ITSN2: variants seen among roughly 807,000 people sequenced by gnomAD.
ITSN2 encodes intersectin 2.
In ITSN2, 156 loss-of-function variants were observed where a neutral mutation model predicts 243.7. The ratio of observed to expected loss-of-function variants is 0.64; its 90% confidence interval spans 0.56 to 0.73. The LOEUF is 0.73. Ranked by LOEUF, ITSN2 falls within the 30% of genes least tolerant of loss-of-function variation. The pLI is 0.00. For synonymous variants in ITSN2, 703 were observed against 699.9 expected (o/e 1.00, Z -0.07); for missense variants, 1,801 against 1,996.1 (o/e 0.90, Z 1.86).
At chr2:24,332,498 T>C (rs1459868295) in intron 1 of ITSN2, among the ~76,000 whole-genome samples, 2 of 152,162 alleles carry the variant, frequency 1.3e-5, no homozygotes, top group Non-Finnish European at 2.9e-5. Context: ...GGTACTAGTA[T>C]TACAGAATCT....
chr2:24,213,823 G>A (rs927211455), intron 32 of ITSN2, among the ~76,000 whole-genome samples: 21 of 152,072 alleles, frequency 1.4e-4, no homozygotes, highest in Middle Eastern at 6.8e-3. Context: ...AGTTCATTTC[G>A]AGGCAACTCC....
chr2:24,203,601 C>T lies in ITSN2; in HGVS notation c.*25G>A, dbSNP rs1483991570. 1.2e-6 allele frequency: 2 copies of T among 1,603,702 alleles called. No homozygotes were observed. Among genetic ancestry groups the T allele is most frequent in the South Asian group, 2.2e-5 (2 of 90,322 alleles). ...TCCAGCCCCAGCCTTGTGGGCTGTCCCGCTGGTGCTGTCCTTTAGAACCCC... is the reference window on the plus strand; with the variant it reads ...TCCAGCCCCAGCCTTGTGGGCTGTCTCGCTGGTGCTGTCCTTTAGAACCCC... On this transcript the variant is annotated 3_prime_UTR_variant, in exon 40 of 40. Coordinates refer to ENST00000355123, the MANE Select transcript of ITSN2 (RefSeq NM_006277.3).
At chr2:24,324,342 C>A (rs542710441) in intron 2 of ITSN2, among the ~76,000 whole-genome samples, 1 of 152,012 alleles carries the variant, frequency 6.6e-6, no homozygotes, top group Non-Finnish European at 1.5e-5. Flanking sequence ...TATCCTAAGA[C>A]AAAAGAGAGT....
chr2:24,335,752 C>T (rs1366488688), intron 1 of ITSN2, among the ~76,000 whole-genome samples: 1 of 152,074 alleles, frequency 6.6e-6, no homozygotes, highest in African/African-American at 2.4e-5. Flanking sequence ...GATTCTCATG[C>T]CTCAGCCTCC....
At chr2:24,275,922 T>C in intron 17 of ITSN2, 73 bp from the exon 18 acceptor site, 2 of 1,107,694 alleles carry the variant, frequency 1.8e-6, no homozygotes, top group East Asian at 2.6e-5. Flanking sequence ...AATGTGGCAT[T>C]TGCATTAAAA....
intron 29 of ITSN2, among the ~76,000 whole-genome samples, chr2:24,237,305 C>T (rs1672270709): frequency 1.3e-5 from 2 of 152,082 alleles, no homozygotes; most frequent in African/African-American, 4.8e-5. Context: ...GGTTGCAGAG[C>T]CAAAATTTCA....
intron 15 of ITSN2, among the ~76,000 whole-genome samples, chr2:24,287,288 C>G (rs1210359816): frequency 6.6e-6 from 1 of 152,074 alleles, no homozygotes; most frequent in African/African-American, 2.4e-5. Context: ...ATGGCTACTG[C>G]ATAATTTATA....
At chr2:24,304,234 C>T (rs978394012) in intron 8 of ITSN2, among the ~76,000 whole-genome samples, 7 of 152,150 alleles carry the variant, frequency 4.6e-5, no homozygotes, top group Non-Finnish European at 8.8e-5. Context: ...GTGACTGAGC[C>T]GTGAGTAGCA....
rs188515503 is a variant in ITSN2 at position 24,301,882 on chromosome 2, G to A, written c.995+83C>T. 1.8e-3 allele frequency: 2,224 copies of A among 1,248,756 alleles called. 23 individuals are homozygous for A. Among genetic ancestry groups the A allele is most frequent in the Admixed American group, 2.4e-3 (97 of 39,750 alleles). The allele number at this position is 1,248,756 out of a possible 1,614,324, so 77.4% of individuals were successfully genotyped here. A position where few individuals can be genotyped will look rare whatever the true frequency, so the allele number is the denominator to read the frequency against. On this transcript the variant is annotated intron_variant, in intron 10 of 39. Coordinates refer to ENST00000355123, the MANE Select transcript of ITSN2 (RefSeq NM_006277.3). ...TAACTTGTTGAATACTAAAATCAAT[G>A]GCAGTGCAAATATTTAACTCTCTTC...
intron 1 of ITSN2, among the ~76,000 whole-genome samples, chr2:24,333,928 C>A (rs948177836): frequency 1.3e-5 from 2 of 152,166 alleles, no homozygotes; most frequent in African/African-American, 4.8e-5. Flanking sequence ...CTCATTCTGT[C>A]ACTCAGACTG....
chr2:24,215,016 G>A (rs1387339052), intron 32 of ITSN2, among the ~76,000 whole-genome samples: 1 of 152,158 alleles, frequency 6.6e-6, no homozygotes, highest in Admixed American at 6.5e-5. Flanking sequence ...CAACATCAAT[G>A]CAAATAACTT....
At chr2:24,352,049 TTAA>T (rs1222523568) in intron 1 of ITSN2, among the ~76,000 whole-genome samples, 1 of 152,210 alleles carries the variant, frequency 6.6e-6, no homozygotes. Flanking sequence ...TTTATTATTA[TTAA>T]TCTCTTACTG....
In ITSN2 at chr2:24,347,903, C is replaced by T. The variant is rs559547113; in HGVS notation, c.-34+12401G>A. On this transcript the variant is annotated intron_variant, in intron 1 of 39. Transcript: ENST00000355123. Reference sequence around the variant, plus strand: ...GCCTAGGAACATAGTGAGACCCCATCTCTACCAATAATTTTAAAATTAGCT... The same window carrying T: ...GCCTAGGAACATAGTGAGACCCCATTTCTACCAATAATTTTAAAATTAGCT... Among the ~76,000 whole-genome samples, 345 of 152,088 alleles carry T rather than the reference C, an allele frequency of 2.3e-3. 1 individual carries two copies. Among genetic ancestry groups the T allele is most frequent in the African/African-American group, 8.1e-3 (334 of 41,470 alleles).
chr2:24,353,481 A>C (rs755673333), intron 1 of ITSN2, among the ~76,000 whole-genome samples: 4 of 152,130 alleles, frequency 2.6e-5, no homozygotes, highest in Non-Finnish European at 5.9e-5. Flanking sequence ...CTGAGGTGGG[A>C]GGATGGCTTG....
intron 1 of ITSN2, among the ~76,000 whole-genome samples, chr2:24,354,578 C>A (rs1688286002): frequency 6.6e-6 from 1 of 152,178 alleles, no homozygotes; most frequent in Non-Finnish European, 1.5e-5. Context: ...TAGGAACTAG[C>A]TAATATTTCC....
At chr2:24,210,614 CAAAAAAAAAA>C (rs950984341) in intron 34 of ITSN2, among the ~76,000 whole-genome samples, 156 bp downstream of exon 34, 2 of 53,992 alleles carry the variant, frequency 3.7e-5, no homozygotes, top group Admixed American at 2.0e-4. Flanking sequence ...GACTCCGTCT[CAAAAAAAAAA>C]AAAAAAAAAA....
intron 27 of ITSN2, among the ~76,000 whole-genome samples, chr2:24,248,099 TGA>T (rs892890749): frequency 6.6e-6 from 1 of 151,996 alleles, no homozygotes; most frequent in Non-Finnish European, 1.5e-5. Flanking sequence ...ATAATAGAAG[TGA>T]GAGAAGAACC....
chr2:24,313,573 A>G (rs1475920989), intron 3 of ITSN2, 50 bp from the exon 4 acceptor site: 22 of 1,317,094 alleles, frequency 1.7e-5, no homozygotes, highest in Non-Finnish European at 2.1e-5. Flanking sequence ...AAATGAAATT[A>G]TTCCAATGCT....
At chr2:24,351,285 C>A (rs569194383) in intron 1 of ITSN2, among the ~76,000 whole-genome samples, 3 of 152,190 alleles carry the variant, frequency 2.0e-5, no homozygotes, top group Admixed American at 2.0e-4. Context: ...ACGCCTGCCC[C>A]GCTTCTATTA....
Sources: allele counts gnomAD v4.1 joint callset (sites outside exome capture counted in the v4.1 genomes callset), GRCh38; gene constraint gnomAD v4.1.1; transcripts MANE v1.5; gene names NCBI Gene and HGNC (gene_info 2026-07-23, HGNC 2026-07-21).